CTCFL: variants seen among roughly 807,000 people sequenced by gnomAD.
CTCFL encodes CCCTC-binding factor like, also known as transcriptional repressor CTCFL.
A neutral mutation model predicts 67.4 loss-of-function variants in CTCFL; 36 were observed. The ratio of observed to expected loss-of-function variants is 0.53; its 90% confidence interval spans 0.41 to 0.71. CTCFL has a LOEUF of 0.71. Among genes scored for constraint, CTCFL ranks in the 30% least tolerant of loss-of-function variants. CTCFL has a pLI of 0.00. For synonymous variants in CTCFL, 324 were observed against 302.3 expected (o/e 1.07, Z -0.75); for missense variants, 786 against 835.2 (o/e 0.94, Z 0.73).
rs924002505 is a variant in CTCFL, at chr20:57,523,876, C to T, written c.330G>A (p.Val110=). 6.2e-7 allele frequency: 1 copy of T among 1,613,100 alleles called. No homozygotes were observed. The highest frequency in any genetic ancestry group is 1.3e-5 in the African/African-American group (1 of 74,932). The change falls in exon 2 of 11, where the codon GTG becomes GTA. Residue 110 remains valine (V), a synonymous_variant. Coordinates refer to ENST00000243914, the MANE Select transcript of CTCFL (RefSeq NM_001386993.1). ...LSIQQQEGVQ[V]VVQQPGPGLL... is the part of the protein sequence containing the mutation. ...ACCCAGGGCCAGGCTGTTGCACCACCACCTGCACCCCTTCTTGCTGCTGTA... is the reference window on the plus strand; with the variant it reads ...ACCCAGGGCCAGGCTGTTGCACCACTACCTGCACCCCTTCTTGCTGCTGTA...
chr20:57,512,298 A>G (rs1279120094), intron 8 of CTCFL, among the ~76,000 whole-genome samples: 1 of 152,220 alleles, frequency 6.6e-6, no homozygotes, highest in Non-Finnish European at 1.5e-5. Context: ...CTTTGGCACC[A>G]AAAGTGCAAA....
rs112254258 is a variant in CTCFL, at chr20:57,509,904, C to T, written c.1492-1116G>A. Among the ~76,000 whole-genome samples the T allele has an allele frequency of 1.2e-4, 18 of 152,284 alleles. 1 individual carries two copies. Among genetic ancestry groups the T allele is most frequent in the Middle Eastern group, 3.4e-3 (1 of 294 alleles). On this transcript the variant is annotated intron_variant, in intron 8 of 10. Transcript: ENST00000243914. ...CAGCAGTGCTCCAAGCCTCTGCCCA[C>T]GGCCATGACCTGCCTGGCTGCTCTC...
At chr20:57,502,637 G>A (rs960203451) in intron 10 of CTCFL, among the ~76,000 whole-genome samples, 1 of 152,190 alleles carries the variant, frequency 6.6e-6, no homozygotes, top group Non-Finnish European at 1.5e-5. Context: ...AAGGTGAACA[G>A]TGCAGGTGTT....
At chr20:57,501,577 G>A (rs1422900146) in intron 10 of CTCFL, among the ~76,000 whole-genome samples, 1 of 152,230 alleles carries the variant, frequency 6.6e-6, no homozygotes, top group Non-Finnish European at 1.5e-5. Context: ...TTCATTGCTT[G>A]ATACCCATCA....
upstream of CTCFL, chr20:57,525,244 G>A (rs2069793385): frequency 7.9e-6 from 1 of 127,384 alleles, no homozygotes; most frequent in African/African-American, 2.9e-5. Flanking sequence ...GGGCAGGGGG[G>A]AAGGGGAGTA....
Position 57,498,094 on chromosome 20 carries a change from G to A in CTCFL, c.*456C>T. ...CCATATATTATTAGAAATATCATGG[G>A]TGTATATAATGCAACATAAAAATGT... On this transcript the variant is annotated 3_prime_UTR_variant, in exon 11 of 11. Coordinates refer to ENST00000243914, the MANE Select transcript of CTCFL (RefSeq NM_001386993.1). 1 of 925,114 alleles carries A rather than the reference G, an allele frequency of 1.1e-6. No homozygotes were observed. Among genetic ancestry groups the A allele is most frequent in the African/African-American group, 1.8e-5 (1 of 55,998 alleles). 57.3% of individuals were successfully genotyped at this position (925,114 alleles called of 1,614,324 possible).
intron 10 of CTCFL, among the ~76,000 whole-genome samples, chr20:57,500,637 G>C (rs73168435): frequency 0.024 from 3,720 of 152,196 alleles, 79 homozygotes; most frequent in Non-Finnish European, 0.04. Context: ...ATTCACACTT[G>C]CTTTGGATAT....
At chr20:57,502,739 C>T (rs1164396661) in intron 10 of CTCFL, among the ~76,000 whole-genome samples, 1 of 152,202 alleles carries the variant, frequency 6.6e-6, no homozygotes, top group Non-Finnish European at 1.5e-5. Flanking sequence ...CCTGGGAACT[C>T]ACTTCAGCTC....
intron 7 of CTCFL, among the ~76,000 whole-genome samples, chr20:57,514,065 A>T (rs561125672): frequency 3.3e-4 from 50 of 152,326 alleles, no homozygotes; most frequent in African/African-American, 1.2e-3. Flanking sequence ...TGCGGATTAC[A>T]CGTTACAGGC....
At chr20:57,499,343 A>G (rs1317504047) in intron 10 of CTCFL, among the ~76,000 whole-genome samples, 1 of 152,162 alleles carries the variant, frequency 6.6e-6, no homozygotes, top group Admixed American at 6.5e-5. Context: ...TGCTGGGGCC[A>G]GCGCCAGGCG....
At chr20:57,509,073 A>T (rs949310287) in intron 8 of CTCFL, among the ~76,000 whole-genome samples, 3 of 152,144 alleles carry the variant, frequency 2.0e-5, no homozygotes, top group Non-Finnish European at 4.4e-5. Context: ...CAGGGCGTGA[A>T]AGGATGGTCC....
chr20:57,506,212 T>C (rs939037381), intron 9 of CTCFL, among the ~76,000 whole-genome samples: 1 of 152,224 alleles, frequency 6.6e-6, no homozygotes, highest in Non-Finnish European at 1.5e-5. Context: ...TGGCAGAAAC[T>C]GATTTGCGTT....
At chr20:57,511,756 T>G (rs56394868) in intron 8 of CTCFL, among the ~76,000 whole-genome samples, 1 of 152,004 alleles carries the variant, frequency 6.6e-6, no homozygotes, top group African/African-American at 2.4e-5. Context: ...CACGCCCAAC[T>G]AATTTTTGTA....
intron 5 of CTCFL, among the ~76,000 whole-genome samples, chr20:57,516,665 G>A (rs888348793): frequency 2.6e-5 from 4 of 152,248 alleles, no homozygotes; most frequent in Non-Finnish European, 5.9e-5. Context: ...CAGTGTGAGT[G>A]GAGGAAGGTG....
At chr20:57,519,736 C>T (rs1354394134) in intron 3 of CTCFL, among the ~76,000 whole-genome samples, 4 of 152,046 alleles carry the variant, frequency 2.6e-5, no homozygotes, top group African/African-American at 9.7e-5. Context: ...TGAAGTGGGG[C>T]GCCCAAGAAA....
At chr20:57,523,408 C>T (rs899422681) in intron 2 of CTCFL, 130 bp from the exon 3 acceptor site, 14 of 1,012,376 alleles carry the variant, frequency 1.4e-5, no homozygotes, top group African/African-American at 1.1e-4. Context: ...TTAATTATTT[C>T]GCATCAGGGT....
At chr20:57,524,751 C>T in intron 1 of CTCFL, 1 of 987,464 alleles carries the variant, frequency 1.0e-6, no homozygotes, top group Non-Finnish European at 1.2e-6. Context: ...CTAGCACCCT[C>T]AGAGCCAGGC....
intron 9 of CTCFL, among the ~76,000 whole-genome samples, chr20:57,505,832 AG>A (rs1229470982): frequency 2.6e-5 from 4 of 152,244 alleles, no homozygotes; most frequent in Non-Finnish European, 5.9e-5. Context: ...ATCTTAAGTC[AG>A]AAAATTTTCA....
rs1042341786 is a variant in CTCFL, at chr20:57,499,777, A to C, written c.1841-1076T>G. ...GATCCCTTGCACGTGCAGAGTTCAC[A>C]ACAGGGTTCACACTCATGAGAATCT... On this transcript the variant is annotated intron_variant, in intron 10 of 10. Coordinates refer to ENST00000243914, the MANE Select transcript of CTCFL (RefSeq NM_001386993.1). 55 of 171,042 alleles carry C rather than the reference A, an allele frequency of 3.2e-4. 1 individual carries two copies. Among genetic ancestry groups the C allele is most frequent in the Non-Finnish European group, 3.2e-4 (27 of 84,450 alleles). 10.6% of individuals were successfully genotyped at this position (171,042 alleles called of 1,614,324 possible). A position where few individuals can be genotyped will look rare whatever the true frequency, so the allele number is the denominator to read the frequency against.
Sources: gnomAD v4.1 joint callset for allele counts (sites outside exome capture counted in the v4.1 genomes callset) on GRCh38, gnomAD v4.1.1 for gene constraint, MANE v1.5 for transcripts, NCBI Gene and HGNC (gene_info 2026-07-23, HGNC 2026-07-21) for gene names.